The following EXD3 variants were observed in gnomAD, a reference collection of about 807,000 sequenced individuals.
EXD3 encodes exonuclease 3'-5' domain containing 3.
Under a neutral mutation model 98.0 loss-of-function variants are expected in EXD3, and 92 were observed. That is an observed-to-expected ratio of 0.94 (90% CI 0.79 to 1.12). EXD3 has a LOEUF of 1.12. Ranked by LOEUF, EXD3 falls within the 50% of genes most tolerant of loss-of-function variation. The pLI is 0.00. For synonymous variants in EXD3, 569 were observed against 526.0 expected, an observed-to-expected ratio of 1.08 and a Z score of -1.12; for missense variants, 1,222 against 1,191.6, an observed-to-expected ratio of 1.03 and a Z score of -0.38.
intron 2 of EXD3, among the ~76,000 whole-genome samples, chr9:137,383,991 G>T (rs929318475): frequency 6.6e-6 from 1 of 152,238 alleles, no homozygotes; most frequent in African/African-American, 2.4e-5. Flanking sequence ...GGAGGCCGGT[G>T]GTGCAGGGGA....
chr9:137,388,205 C>T (rs1356955983), intron 2 of EXD3, among the ~76,000 whole-genome samples: 1 of 122,718 alleles, frequency 8.1e-6, no homozygotes. Context: ...ACACTGGCTT[C>T]CCCCCCAGCC....
intron 2 of EXD3, among the ~76,000 whole-genome samples, chr9:137,383,698 T>C (rs554977856): frequency 6.6e-6 from 1 of 152,352 alleles, no homozygotes; most frequent in Non-Finnish European, 1.5e-5. Flanking sequence ...GGCCTGAGCC[T>C]CTACCTGCTC....
chr9:137,350,985 C>T, intron 14 of EXD3, 53 bp downstream of exon 14: 1 of 1,495,426 alleles, frequency 6.7e-7, no homozygotes, highest in Non-Finnish European at 9.1e-7. Flanking sequence ...CCCAAGCAGC[C>T]CTCGAACCCC....
chr9:137,421,372 G>A (rs757497832), intron 1 of EXD3, among the ~76,000 whole-genome samples: 2 of 152,202 alleles, frequency 1.3e-5, no homozygotes, highest in Non-Finnish European at 2.9e-5. Flanking sequence ...TATTTTACAA[G>A]TAAATTGGTC....
chr9:137,324,213 G>A lies in EXD3; in HGVS notation c.1999-70C>T, dbSNP rs1832257261. 10 of 1,347,728 alleles carry A rather than the reference G, an allele frequency of 7.4e-6. No homozygotes were observed. Among genetic ancestry groups the A allele is most frequent in the African/African-American group, 1.4e-5 (1 of 69,114 alleles). The allele number at this position is 1,347,728 out of a possible 1,614,324, so 83.5% of individuals were successfully genotyped here. The stretch of plus-strand genomic sequence containing the variant: ...CTCCTGGACTGGGCCACCTCTGCTC[G>A]CCACCCCCTAGCTCCCCGGATCGTG... On this transcript the variant is annotated intron_variant, in intron 17 of 21. Transcript: ENST00000340951. The surrounding 1 kb of genome is among the most constrained non-coding windows in gnomAD (Gnocchi z 4.1).
chr9:137,311,571 A>ACCGGGTG (rs1032983427), intron 19 of EXD3, among the ~76,000 whole-genome samples: 2 of 152,190 alleles, frequency 1.3e-5, no homozygotes, highest in Admixed American at 1.3e-4. Flanking sequence ...GTGCTGAGTC[A>ACCGGGTG]CCGGGTGCCG....
intron 7 of EXD3, among the ~76,000 whole-genome samples, chr9:137,362,259 C>A (rs1335855981): frequency 6.6e-6 from 1 of 152,026 alleles, no homozygotes; most frequent in Non-Finnish European, 1.5e-5. Context: ...TGCAAACATC[C>A]CTAACAAAAT....
At chr9:137,330,531 C>A (rs1335476857) in intron 17 of EXD3, among the ~76,000 whole-genome samples, 3 of 138,310 alleles carry the variant, frequency 2.2e-5, no homozygotes, top group Non-Finnish European at 3.1e-5. Flanking sequence ...CACACAGGAG[C>A]TATACAGGAG....
At chr9:137,373,176 G>T in intron 4 of EXD3, 104 bp from the exon 5 acceptor site, 1 of 1,364,550 alleles carries the variant, frequency 7.3e-7, no homozygotes, top group Non-Finnish European at 9.9e-7. Flanking sequence ...TGCCACTGTG[G>T]CCATGTGTGG....
intron 1 of EXD3, among the ~76,000 whole-genome samples, chr9:137,410,860 CA>C (rs1350062889): frequency 6.6e-6 from 1 of 152,088 alleles, no homozygotes; most frequent in Non-Finnish European, 1.5e-5. Context: ...GAGTGAGGTC[CA>C]AGGCTCTGCA....
chr9:137,375,228 C>T (rs1319380511), intron 3 of EXD3, among the ~76,000 whole-genome samples: 1 of 152,128 alleles, frequency 6.6e-6, no homozygotes, highest in Non-Finnish European at 1.5e-5. Context: ...AGGATGGTCT[C>T]GATCTCCTGA....
At chr9:137,354,314 C>A in intron 10 of EXD3, 25 bp downstream of exon 10, 1 of 1,611,586 alleles carries the variant, frequency 6.2e-7, no homozygotes, top group Non-Finnish European at 8.5e-7. Context: ...GCCCTGCCGG[C>A]TTACAGGCAA....
At chr9:137,355,188 G>A (rs553640435) in intron 8 of EXD3, among the ~76,000 whole-genome samples, 4 of 152,214 alleles carry the variant, frequency 2.6e-5, no homozygotes, top group Non-Finnish European at 4.4e-5. Context: ...TGAGGCACAC[G>A]CACGTCCACA....
At position 137,398,685 on chromosome 9, in the gene EXD3, G is replaced by T. The variant is rs540383151; in HGVS notation, c.-47-3281C>A. ...GGCGACCGCGTCCCCAAGACACACA[G>T]GCACCCACGTCCCCGTGACACACGT... On this transcript the variant is annotated intron_variant, in intron 1 of 21. Coordinates refer to ENST00000340951, the MANE Select transcript of EXD3 (RefSeq NM_017820.5). Among the ~76,000 whole-genome samples, 4 of 140,344 alleles carry T rather than the reference G, an allele frequency of 2.9e-5. No individual in the cohort carries two copies. In the South Asian group the frequency reaches 6.9e-4, roughly 24 times the overall value. The allele number at this position is 140,344 out of a possible 152,430, so 92.1% of individuals were successfully genotyped here.
chr9:137,419,169 T>G (rs1838385575), intron 1 of EXD3, among the ~76,000 whole-genome samples: 1 of 152,222 alleles, frequency 6.6e-6, no homozygotes, highest in Non-Finnish European at 1.5e-5. Context: ...TATAAATGTA[T>G]TATTAACATA....
chr9:137,395,175 C>T lies in EXD3; in HGVS notation c.55+128G>A, dbSNP rs1837145249. 8 of 851,666 alleles carry T rather than the reference C, an allele frequency of 9.4e-6. No individual in the cohort carries two copies. The highest frequency in any genetic ancestry group is 2.9e-5 in the South Asian group (2 of 68,662). The allele number at this position is 851,666 out of a possible 1,614,324, so 52.8% of individuals were successfully genotyped here. A position where few individuals can be genotyped will look rare whatever the true frequency, so the allele number is the denominator to read the frequency against. On this transcript the variant is annotated intron_variant, in intron 2 of 21. Coordinates refer to ENST00000340951, the MANE Select transcript of EXD3 (RefSeq NM_017820.5). The surrounding 1 kb of genome is among the most constrained non-coding windows in gnomAD (Gnocchi z 6.5). Reference sequence around the variant, plus strand: ...AAGCCGTGGACACTGTAGAGAGGCCCGCAGCTAGGGGCCAGCAGCCTGGCC... The same window carrying T: ...AAGCCGTGGACACTGTAGAGAGGCCTGCAGCTAGGGGCCAGCAGCCTGGCC...
At chr9:137,366,074 C>T (rs1252663691) in intron 7 of EXD3, 2 of 683,976 alleles carry the variant, frequency 2.9e-6, no homozygotes, top group Non-Finnish European at 5.4e-6. Context: ...TGAATCCATA[C>T]AGGCACCATA....
intron 1 of EXD3, among the ~76,000 whole-genome samples, chr9:137,422,604 T>TA (rs1228685325): frequency 6.6e-6 from 1 of 152,176 alleles, no homozygotes; most frequent in African/African-American, 2.4e-5. Context: ...TGTGCCTGAA[T>TA]AAACCCACCG....
chr9:137,311,615 C>T (rs753038785), intron 19 of EXD3, among the ~76,000 whole-genome samples: 15 of 152,210 alleles, frequency 9.9e-5, no homozygotes, highest in Non-Finnish European at 1.9e-4. Context: ...TCGGGAACCA[C>T]CGGTGCTGGT....
Sources: gnomAD v4.1 joint callset for allele counts (sites outside exome capture counted in the v4.1 genomes callset) on GRCh38, gnomAD v4.1.1 for gene constraint, Gnocchi (gnomAD v3.1) non-coding constraint, MANE v1.5 for transcripts, NCBI Gene and HGNC (gene_info 2026-07-23, HGNC 2026-07-21) for gene names.